Variants in CDH9 observed in about 807,000 individuals in gnomAD.
CDH9 encodes the protein cadherin-9.
Under a neutral mutation model 70.9 loss-of-function variants are expected in CDH9, and 28 were observed. That is an observed-to-expected ratio of 0.40 (90% CI 0.29 to 0.54). CDH9 has a LOEUF of 0.54. Among genes scored for constraint, CDH9 ranks in the 20% least tolerant of loss-of-function variants. The pLI is 0.59. For missense variants in CDH9, 874 were observed against 984.4 expected, an observed-to-expected ratio of 0.89 and a Z score of 1.50; for synonymous variants, 409 against 343.1, an observed-to-expected ratio of 1.19 and a Z score of -2.12.
intron 2 of CDH9, among the ~76,000 whole-genome samples, chr5:26,955,175 AC>A (rs1372239297): frequency 2.6e-5 from 4 of 152,088 alleles, no homozygotes; most frequent in Non-Finnish European, 1.5e-5. Context: ...CAAATATTGG[AC>A]CCCACTATCT....
intron 2 of CDH9, among the ~76,000 whole-genome samples, chr5:26,966,107 G>C (rs908192924): frequency 6.6e-6 from 1 of 152,110 alleles, no homozygotes; most frequent in Admixed American, 6.6e-5. Flanking sequence ...TTGCTATTGA[G>C]GGAAAGGGAG....
At chr5:26,961,750 T>C (rs981927302) in intron 2 of CDH9, among the ~76,000 whole-genome samples, 6 of 152,162 alleles carry the variant, frequency 3.9e-5, no homozygotes, top group Admixed American at 3.9e-4. Flanking sequence ...ATCATATTTA[T>C]TATATGAAAG....
At chr5:27,036,270 G>C (rs1414588956) in intron 1 of CDH9, among the ~76,000 whole-genome samples, 1 of 151,820 alleles carries the variant, frequency 6.6e-6, no homozygotes, top group African/African-American at 2.4e-5. Flanking sequence ...GCTAAGCTTG[G>C]CATGTATAGG....
At chr5:26,921,130 G>C (rs1223716210) in intron 2 of CDH9, among the ~76,000 whole-genome samples, 2 of 151,962 alleles carry the variant, frequency 1.3e-5, no homozygotes, top group African/African-American at 4.8e-5. Context: ...GAGCAGGAGG[G>C]ACAGCACCTG....
At chr5:26,997,826 A>C (rs931167822) in intron 1 of CDH9, among the ~76,000 whole-genome samples, 1 of 151,992 alleles carries the variant, frequency 6.6e-6, no homozygotes, top group Non-Finnish European at 1.5e-5. Context: ...CAGACTCTCA[A>C]GTAGCTGGAA....
intron 3 of CDH9, among the ~76,000 whole-genome samples, chr5:26,915,037 A>G (rs1178515665): frequency 6.6e-6 from 1 of 152,018 alleles, no homozygotes; most frequent in East Asian, 1.9e-4. Context: ...GCATAAGGCA[A>G]TGTTCAGTGG....
At chr5:26,942,584 G>A (rs1422598075) in intron 2 of CDH9, among the ~76,000 whole-genome samples, 1 of 152,106 alleles carries the variant, frequency 6.6e-6, no homozygotes, top group Non-Finnish European at 1.5e-5. Flanking sequence ...TTATTCTCAG[G>A]ATGCACGGAA....
chr5:26,966,378 C>T (rs972049362), intron 2 of CDH9, among the ~76,000 whole-genome samples: 1 of 152,224 alleles, frequency 6.6e-6, no homozygotes, highest in African/African-American at 2.4e-5. Flanking sequence ...TCGGCCTCAA[C>T]ATCTGCCTCC....
intron 2 of CDH9, among the ~76,000 whole-genome samples, chr5:26,976,191 G>C (rs2112078831): frequency 6.6e-6 from 1 of 152,178 alleles, no homozygotes; most frequent in Non-Finnish European, 1.5e-5. Context: ...ATCTCAAGCA[G>C]GGGCAAGTTC....
At chr5:27,028,886 C>A (rs575876941) in intron 1 of CDH9, among the ~76,000 whole-genome samples, 1 of 152,062 alleles carries the variant, frequency 6.6e-6, no homozygotes, top group East Asian at 1.9e-4. Flanking sequence ...ATTACTTGAA[C>A]AGATCCTTAC....
chr5:26,952,634 C>CAAAAAAAAAAAAAAA (rs35876875), intron 2 of CDH9, among the ~76,000 whole-genome samples: 11 of 57,810 alleles, frequency 1.9e-4, no homozygotes, highest in Middle Eastern at 0.015. Flanking sequence ...GACTCCGTCT[C>CAAAAAAAAAAAAAAA]AAAAAAAAAA....
chr5:26,917,606 C>T (rs936954071), intron 2 of CDH9, among the ~76,000 whole-genome samples: 1 of 152,004 alleles, frequency 6.6e-6, no homozygotes. Context: ...TCACATTTTA[C>T]ACCTCCTTTG....
chr5:26,978,329 T>C (rs1211157686), intron 2 of CDH9, among the ~76,000 whole-genome samples: 1 of 151,808 alleles, frequency 6.6e-6, no homozygotes, highest in East Asian at 1.9e-4. Flanking sequence ...TGCCATAAAA[T>C]ATGTAAAAAT....
chr5:27,034,864 T>C lies in CDH9; in HGVS notation c.-50+3599A>G, dbSNP rs138844638. ...GTTATGGAAATGTAGAAGAGTGCTA[T>C]AAAGACATTTTCCTCACTGTACACT... is the stretch of plus-strand genomic sequence containing the variant. On this transcript the variant is annotated intron_variant, in intron 1 of 11. Coordinates refer to ENST00000231021, the MANE Select transcript of CDH9 (RefSeq NM_016279.4). Among the ~76,000 whole-genome samples, 406 of 151,734 alleles carry C rather than the reference T, an allele frequency of 2.7e-3. 2 individuals are homozygous for C. The highest frequency in any genetic ancestry group is 9.3e-3 in the African/African-American group (386 of 41,472).
chr5:26,940,634 T>C (rs947272734), intron 2 of CDH9, among the ~76,000 whole-genome samples: 3 of 152,194 alleles, frequency 2.0e-5, no homozygotes, highest in Non-Finnish European at 4.4e-5. Context: ...CAGGAATTAT[T>C]GCTTTTTTTC....
At chr5:26,898,100 G>T (rs1740784349) in intron 7 of CDH9, among the ~76,000 whole-genome samples, 1 of 151,966 alleles carries the variant, frequency 6.6e-6, no homozygotes, top group Non-Finnish European at 1.5e-5. Context: ...AAAATACCTA[G>T]GAATAAAGCT....
chr5:26,908,891 G>C (rs1173066097), intron 3 of CDH9, among the ~76,000 whole-genome samples: 3 of 152,014 alleles, frequency 2.0e-5, no homozygotes, highest in African/African-American at 7.2e-5. Flanking sequence ...AGATTATAGG[G>C]AATAAAGAGT....
chr5:26,993,594 A>G (rs1395927112), intron 1 of CDH9, among the ~76,000 whole-genome samples: 1 of 151,080 alleles, frequency 6.6e-6, no homozygotes, highest in African/African-American at 2.4e-5. Flanking sequence ...GCCCAGGAGG[A>G]AAGCTGCCAG....
intron 1 of CDH9, among the ~76,000 whole-genome samples, chr5:27,007,592 C>T (rs1051699199): frequency 6.6e-6 from 1 of 151,706 alleles, no homozygotes; most frequent in Non-Finnish European, 1.5e-5. Flanking sequence ...ATTTTTAAAG[C>T]ACAAATAAAT....
Sources: gnomAD v4.1 joint callset for allele counts (sites outside exome capture counted in the v4.1 genomes callset) on GRCh38, gnomAD v4.1.1 for gene constraint, MANE v1.5 for transcripts, NCBI Gene and HGNC (gene_info 2026-07-23, HGNC 2026-07-21) for gene names.